The following ZNF654 variants were observed in gnomAD, a reference collection of about 807,000 sequenced individuals.
ZNF654 encodes melanoma-associated antigen.
In ZNF654, 19 loss-of-function variants were observed where a neutral mutation model predicts 95.3. The ratio of observed to expected loss-of-function variants is 0.20; its 90% confidence interval spans 0.14 to 0.29. The LOEUF (loss-of-function observed/expected upper bound fraction) is 0.29. ZNF654 is among the 10% of genes least tolerant of loss of function. The probability of loss-of-function intolerance (pLI) is 1.00; values close to 1 mark genes in which losing one functional copy is unlikely to be tolerated. For synonymous variants in ZNF654, 413 were observed against 457.9 expected, an observed-to-expected ratio of 0.90 and a Z score of 1.25; for missense variants, 1,046 against 1,341.0, an observed-to-expected ratio of 0.78 and a Z score of 3.44.
In ZNF654 at chr3:88,059,324, C is replaced by T; in HGVS notation, c.5C>T (p.Ala2Val). MAEEESDQEAER... is the reference protein window; with the variant it reads MVEEESDQEAER... ...GCGCTGGGCGGCGAGAGCCTCATGG[C>T]GGAGGAAGAGAGCGACCAAGAGGCC... is the stretch of plus-strand genomic sequence containing the variant. The change falls in exon 1 of 9, where the codon GCG becomes GTG. Residue 2 changes from alanine to valine, a missense_variant. Around this residue, in one of 9 missense-constraint regions of ZNF654, gnomAD observed 89 missense variants for 77.9 expected, o/e 1.14. Coordinates refer to ENST00000636215, the MANE Select transcript of ZNF654 (RefSeq NM_001350134.2). 6.5e-7 allele frequency: 1 copy of T among 1,533,968 alleles called. No individual in the cohort carries two copies. Among genetic ancestry groups the T allele is most frequent in the Non-Finnish European group, 8.7e-7 (1 of 1,146,586 alleles).
At chr3:88,075,140 T>G (rs550542979) in intron 1 of ZNF654, among the ~76,000 whole-genome samples, 1 of 152,362 alleles carries the variant, frequency 6.6e-6, no homozygotes, top group South Asian at 2.1e-4. Flanking sequence ...TAAAAGCTTT[T>G]AATTTCTGTT....
At chr3:88,138,597 C>A in intron 7 of ZNF654, 108 bp from the exon 8 acceptor site, 1 of 591,244 alleles carries the variant, frequency 1.7e-6, no homozygotes, top group Non-Finnish European at 2.5e-6. Flanking sequence ...CATTGGAATA[C>A]TATGTTTATT....
At chr3:88,119,121 A>T (rs1453682643) in intron 3 of ZNF654, among the ~76,000 whole-genome samples, 1 of 148,738 alleles carries the variant, frequency 6.7e-6, no homozygotes, top group East Asian at 2.0e-4. Context: ...AATAGCAAAG[A>T]CTTGGAACCA....
intron 3 of ZNF654, among the ~76,000 whole-genome samples, chr3:88,125,592 C>CT (rs1233329439): frequency 6.6e-6 from 1 of 152,116 alleles, no homozygotes; most frequent in Non-Finnish European, 1.5e-5. Flanking sequence ...AACTGCAAAT[C>CT]TAATTATCCA....
intron 3 of ZNF654, among the ~76,000 whole-genome samples, chr3:88,115,503 TC>T (rs1705336776): frequency 6.6e-6 from 1 of 152,214 alleles, no homozygotes; most frequent in Non-Finnish European, 1.5e-5. Context: ...GTAGAGCCTG[TC>T]TGGTGAAGGG....
chr3:88,119,378 A>T (rs1705618981), intron 3 of ZNF654, among the ~76,000 whole-genome samples: 1 of 28,576 alleles, frequency 3.5e-5, no homozygotes. Flanking sequence ...CACTCTGGGG[A>T]CTGTTGTGGG....
At chr3:88,137,875 C>CCATG (rs1706891509) in intron 7 of ZNF654, among the ~76,000 whole-genome samples, 1 of 151,934 alleles carries the variant, frequency 6.6e-6, no homozygotes, top group South Asian at 2.1e-4. Context: ...CTATACTATA[C>CCATG]CATATGTAGG....
chr3:88,121,485 T>C (rs1576321784), intron 3 of ZNF654, among the ~76,000 whole-genome samples: 1 of 152,292 alleles, frequency 6.6e-6, no homozygotes, highest in Non-Finnish European at 1.5e-5. Flanking sequence ...TTCATTGTTA[T>C]AACTGTCCCC....
At chr3:88,083,609 G>A (rs538109908) in intron 1 of ZNF654, among the ~76,000 whole-genome samples, 112 of 152,220 alleles carry the variant, frequency 7.4e-4, no homozygotes, top group South Asian at 1.0e-3. Flanking sequence ...TCTTCAAAAT[G>A]AGAAAAGGGT....
chr3:88,131,921 C>T (rs913909274), intron 6 of ZNF654, among the ~76,000 whole-genome samples: 10 of 152,168 alleles, frequency 6.6e-5, no homozygotes, highest in Non-Finnish European at 1.5e-4. Context: ...TTTATCTCCC[C>T]TCTGTGTGAA....
intron 1 of ZNF654, among the ~76,000 whole-genome samples, chr3:88,078,239 A>C (rs1165205503): frequency 1.3e-5 from 2 of 152,136 alleles, no homozygotes; most frequent in Admixed American, 1.3e-4. Context: ...TCTTCTATTA[A>C]ATCAACTGGT....
chr3:88,086,928 G>C (rs1410492677), intron 2 of ZNF654, among the ~76,000 whole-genome samples: 2 of 151,748 alleles, frequency 1.3e-5, no homozygotes, highest in East Asian at 3.9e-4. Flanking sequence ...GACTACAGGC[G>C]CCCGCCACCA....
At position 88,137,632 on chromosome 3, in the gene ZNF654, C is replaced by T. The variant is rs530852443; in HGVS notation, c.1036-1073C>T. On this transcript the variant is annotated intron_variant, in intron 7 of 8. Coordinates refer to ENST00000636215, the MANE Select transcript of ZNF654 (RefSeq NM_001350134.2). ...TGGTGGAAAGAATGGGGAATTTTAA[C>T]TGTACCTCAGGGCAGAGACCAGGAT... Among the ~76,000 whole-genome samples, 5 of 152,174 alleles carry T rather than the reference C, an allele frequency of 3.3e-5. No homozygotes were observed. In the East Asian group the frequency reaches 9.6e-4, roughly 29 times the overall value.
At position 88,139,451 on chromosome 3, in the gene ZNF654, T is replaced by C. The variant is rs770621318; in HGVS notation, c.1782T>C (p.His594=). Residue 594 remains histidine, a synonymous_variant, in exon 8 of 9, where the codon CAT becomes CAC. Coordinates refer to ENST00000636215, the MANE Select transcript of ZNF654 (RefSeq NM_001350134.2). ...RGLMQKHLKN[H]VKKIQRQQIA... ...TTATGCAGAAGCATTTGAAGAATCA[T>C]GTTAAGAAGATACAGAGGCAGCAAA... The C allele has an allele frequency of 1.9e-6, 3 of 1,613,808 alleles. No homozygotes were observed. Among genetic ancestry groups the C allele is most frequent in the East Asian group, 4.5e-5 (2 of 44,870 alleles).
intron 2 of ZNF654, 45 bp from the exon 3 acceptor site, chr3:88,113,070 C>A (rs1276143933): frequency 2.0e-5 from 26 of 1,290,614 alleles, no homozygotes; most frequent in African/African-American, 3.0e-5. Flanking sequence ...TTAATTGGAG[C>A]AAAACTCAAA....
intron 2 of ZNF654, among the ~76,000 whole-genome samples, chr3:88,086,767 T>C (rs1708355193): frequency 6.6e-6 from 1 of 151,990 alleles, no homozygotes; most frequent in African/African-American, 2.4e-5. Flanking sequence ...GTTAGGAAAA[T>C]CCTGTTTGTT....
chr3:88,101,971 A>AT (rs953602725), intron 2 of ZNF654, among the ~76,000 whole-genome samples: 2 of 151,656 alleles, frequency 1.3e-5, no homozygotes, highest in East Asian at 1.9e-4. Context: ...AATCTATCAA[A>AT]TTTTTTTGCC....
intron 7 of ZNF654, among the ~76,000 whole-genome samples, chr3:88,138,101 C>T (rs1335366438): frequency 1.3e-5 from 2 of 152,040 alleles, no homozygotes; most frequent in Non-Finnish European, 2.9e-5. Context: ...TTCCAGGGGG[C>T]TCATTATTCT....
chr3:88,124,323 G>A (rs192307428), intron 3 of ZNF654, among the ~76,000 whole-genome samples: 198 of 152,266 alleles, frequency 1.3e-3, no homozygotes, highest in African/African-American at 4.2e-3. Flanking sequence ...TTGTTGGTAG[G>A]ATTTTTGTTT....
Sources: allele counts gnomAD v4.1 joint callset (sites outside exome capture counted in the v4.1 genomes callset), GRCh38; gene constraint gnomAD v4.1.1; regional missense constraint gnomAD v4.1.1; transcripts MANE v1.5; gene names NCBI Gene and HGNC (gene_info 2026-07-23, HGNC 2026-07-21).